The following CCDC57 variants were observed in gnomAD, a reference collection of about 807,000 sequenced individuals.
CCDC57 encodes the protein coiled-coil domain-containing protein 57.
CCDC57 carries 118 observed loss-of-function variants against 118.9 expected under a neutral mutation model. The ratio of observed to expected loss-of-function variants is 0.99; its 90% CI spans 0.86 to 1.16. The LOEUF (loss-of-function observed/expected upper bound fraction) is 1.16, where lower values mean the gene tolerates loss of function less well. Ranked by LOEUF, CCDC57 falls within the 50% of genes most tolerant of loss-of-function variation. CCDC57 has a pLI of 0.00. For synonymous variants in CCDC57, 527 were observed against 532.9 expected, an observed-to-expected ratio of 0.99 and a Z score of 0.15; for missense variants, 1,300 against 1,320.7, an observed-to-expected ratio of 0.98 and a Z score of 0.24.
intron 2 of CCDC57, among the ~76,000 whole-genome samples, chr17:82,205,100 ACCTGTGCACAC>A (rs2049459378): frequency 1.5e-5 from 1 of 68,180 alleles, no homozygotes; most frequent in Admixed American, 2.1e-4. Context: ...ACATGCACAC[ACCTGTGCACAC>A]ACCTGTGCAC....
chr17:82,151,788 AC>A lies in CCDC57; in HGVS notation c.2242-16del. The A allele has an allele frequency of 6.5e-7, 1 of 1,546,648 alleles. No homozygotes were observed. Among genetic ancestry groups the A allele is most frequent in the African/African-American group, 1.4e-5 (1 of 73,044 alleles). On this transcript the variant is annotated splice_polypyrimidine_tract_variant and intron_variant, in intron 15 of 19. Transcript: ENST00000665763. The stretch of plus-strand genomic sequence containing the variant: ...TTGGTGAGGCCCTGTAACAAAACTC[AC>A]AGGCAGACACCCCTGTGAGGCTGCC...
intron 19 of CCDC57, among the ~76,000 whole-genome samples, chr17:82,120,711 G>C (rs576591892): frequency 1.2e-4 from 19 of 152,162 alleles, no homozygotes; most frequent in Non-Finnish European, 2.6e-4. Flanking sequence ...ATCCTTCACA[G>C]GGTGAATCAA....
chr17:82,144,715 T>C (rs2040473722), intron 16 of CCDC57, among the ~76,000 whole-genome samples: 1 of 152,246 alleles, frequency 6.6e-6, no homozygotes, highest in Non-Finnish European at 1.5e-5. Context: ...ACGTGTCATT[T>C]AACTAATAAA....
chr17:82,154,748 C>A (rs1002061007), intron 15 of CCDC57: 1 of 152,392 alleles, frequency 6.6e-6, no homozygotes. Context: ...GGTCCAGGGT[C>A]CCACGTGGCG....
intron 12 of CCDC57, 48 bp from the exon 12 acceptor site, chr17:82,171,901 C>T (rs1476543686): frequency 8.2e-6 from 13 of 1,583,110 alleles, no homozygotes; most frequent in East Asian, 2.3e-5. Flanking sequence ...AGCATCCTTT[C>T]GCACCTCCCT....
chr17:82,201,544 A>G, exon 3 of CCDC57: 1 of 1,601,704 alleles, frequency 6.2e-7, no homozygotes, highest in South Asian at 1.1e-5. Context: ...TCACCTGTGG[A>G]CGCGCTCCAG....
chr17:82,120,171 A>ATTTTT (rs200053710), intron 19 of CCDC57, among the ~76,000 whole-genome samples: 1 of 131,576 alleles, frequency 7.6e-6, no homozygotes. Context: ...TATTATTATT[A>ATTTTT]TTATTTTTTT....
chr17:82,209,289 T>C (rs2050008225), intron 1 of CCDC57, among the ~76,000 whole-genome samples: 1 of 152,202 alleles, frequency 6.6e-6, no homozygotes, highest in African/African-American at 2.4e-5. Context: ...AAATAGAAGT[T>C]GAAGTCGAAG....
intron 16 of CCDC57, among the ~76,000 whole-genome samples, chr17:82,150,106 C>CAGAA: frequency 2.3e-5 from 1 of 44,104 alleles, no homozygotes; most frequent in Non-Finnish European, 4.3e-5. Flanking sequence ...CTGACCCACA[C>CAGAA]CCAGAACCAG....
intron 19 of CCDC57, 101 bp downstream of exon 18, chr17:82,127,591 C>CA (rs1471653214): frequency 1.2e-5 from 18 of 1,475,008 alleles, no homozygotes; most frequent in Non-Finnish European, 1.5e-5. Context: ...TTTCAGGGTG[C>CA]AGGAGGCACG....
chr17:82,126,535 C>T, intron 19 of CCDC57: 1 of 984,594 alleles, frequency 1.0e-6, no homozygotes, highest in Admixed American at 6.1e-5. Flanking sequence ...GGAAGTGGCT[C>T]CTAAACACAC....
At chr17:82,207,124 T>C (rs1364521375) in intron 2 of CCDC57, among the ~76,000 whole-genome samples, 2 of 152,118 alleles carry the variant, frequency 1.3e-5, no homozygotes, top group Non-Finnish European at 2.9e-5. Flanking sequence ...CTGGATCACT[T>C]GAGCCCAGGA....
intron 15 of CCDC57, 102 bp from the exon 15 acceptor site, chr17:82,151,875 G>T: frequency 1.0e-6 from 1 of 974,486 alleles, no homozygotes; most frequent in Non-Finnish European, 1.5e-6. Context: ...CTTCCAGGGT[G>T]GGCACTGCTG....
At chr17:82,151,104 C>T (rs1339101621) in intron 16 of CCDC57, among the ~76,000 whole-genome samples, 5 of 138,058 alleles carry the variant, frequency 3.6e-5, no homozygotes, top group Admixed American at 7.3e-5. Flanking sequence ...CACCCAGAAC[C>T]TGACCCACAC....
At chr17:82,199,477 C>CAA (rs55713414) in intron 3 of CCDC57, among the ~76,000 whole-genome samples, 1 of 87,718 alleles carries the variant, frequency 1.1e-5, no homozygotes, top group Non-Finnish European at 2.2e-5. Context: ...GACTCTGTCT[C>CAA]AAAAAAAAAA....
In CCDC57 at chr17:82,192,545, C is replaced by A. The variant is rs2146709474; in HGVS notation, c.851+1211G>T. On this transcript the variant is annotated intron_variant, in intron 7 of 19. Transcript: ENST00000665763. The surrounding 1 kb of genome is among the most constrained non-coding windows in gnomAD (Gnocchi z 4.0). ...AGACTTAAAAACACACGAAGAGAAA[C>A]AGTGTTTGTCCAGCTTCATCATGGC... is the stretch of plus-strand genomic sequence containing the variant. Among the ~76,000 whole-genome samples, 1 of 152,106 alleles carries A rather than the reference C, an allele frequency of 6.6e-6. No individual in the cohort carries two copies. Among genetic ancestry groups the A allele is most frequent in the Non-Finnish European group, 1.5e-5 (1 of 67,918 alleles).
At chr17:82,108,187 G>A (rs931888035) in intron 19 of CCDC57, among the ~76,000 whole-genome samples, 4 of 152,248 alleles carry the variant, frequency 2.6e-5, no homozygotes, top group African/African-American at 9.6e-5. Flanking sequence ...CGGAGAGCAA[G>A]TGGCAGAGAC....
At chr17:82,109,306 G>T (rs149548013) in intron 19 of CCDC57, among the ~76,000 whole-genome samples, 1 of 152,376 alleles carries the variant, frequency 6.6e-6, no homozygotes, top group Non-Finnish European at 1.5e-5. Flanking sequence ...AGGGGCCTAC[G>T]AGGCGGCTGC....
At chr17:82,200,703 G>C (rs1209824071) in intron 3 of CCDC57, among the ~76,000 whole-genome samples, 1 of 151,960 alleles carries the variant, frequency 6.6e-6, no homozygotes, top group Admixed American at 6.6e-5. Context: ...TGAGGCAGGA[G>C]AATCACTTGA....
Sources: allele counts gnomAD v4.1 joint callset (sites outside exome capture counted in the v4.1 genomes callset), GRCh38; gene constraint gnomAD v4.1.1; non-coding constraint Gnocchi (gnomAD v3.1); transcripts MANE v1.5; gene names NCBI Gene and HGNC (gene_info 2026-07-23, HGNC 2026-07-21).